PSMA1: variants seen among roughly 807,000 people sequenced by gnomAD.
The protein encoded by PSMA1 is proteasome 20S subunit alpha 1.
In PSMA1, 3 loss-of-function variants were observed where a neutral mutation model predicts 38.4. The ratio of observed to expected loss-of-function variants is 0.08; its 90% confidence interval spans 0.04 to 0.20. The LOEUF is 0.20. Ranked by LOEUF, PSMA1 falls within the 10% of genes least tolerant of loss-of-function variation. The pLI is 1.00. For synonymous variants in PSMA1, 101 were observed against 107.1 expected, an observed-to-expected ratio of 0.94 and a Z score of 0.35; for missense variants, 227 against 325.3, an observed-to-expected ratio of 0.70 and a Z score of 2.32.
At chr11:14,520,095 G>T in intron 1 of PSMA1, 2 of 764,176 alleles carry the variant, frequency 2.6e-6, no homozygotes, top group Non-Finnish European at 4.3e-6. Flanking sequence ...AGCGAAAGCG[G>T]TGGAAAGGCC....
chr11:14,524,914 A>T (rs187752521), upstream of PSMA1, among the ~76,000 whole-genome samples: 71 of 152,216 alleles, frequency 4.7e-4, 1 homozygote, highest in Admixed American at 3.1e-3. Flanking sequence ...CAAGGCTCTG[A>T]CTGACTCCTT....
chr11:14,592,035 A>G (rs1852422158), intron 2 of PSMA1, among the ~76,000 whole-genome samples: 1 of 151,286 alleles, frequency 6.6e-6, no homozygotes, highest in South Asian at 2.1e-4. Flanking sequence ...AGGAAGGAAC[A>G]ACTCCAGACA....
intron 2 of PSMA1, among the ~76,000 whole-genome samples, chr11:14,526,547 T>A (rs2134156894): frequency 6.6e-6 from 1 of 152,288 alleles, no homozygotes; most frequent in South Asian, 2.1e-4. Context: ...ACTCACTCTC[T>A]ACAGCTCTCA....
chr11:14,535,605 G>C (rs931327877), intron 2 of PSMA1, among the ~76,000 whole-genome samples: 1 of 151,682 alleles, frequency 6.6e-6, no homozygotes, highest in African/African-American at 2.4e-5. Context: ...CACCACACCC[G>C]GCTAATTTTT....
At chr11:14,635,991 TTTAAAC>T (rs1367237954) in intron 1 of PSMA1, among the ~76,000 whole-genome samples, 10 of 152,226 alleles carry the variant, frequency 6.6e-5, no homozygotes, top group Non-Finnish European at 1.0e-4. Context: ...AATCCATTAT[TTTAAAC>T]TTATTTTTTT....
At chr11:14,531,989 A>G (rs1216257991) in intron 2 of PSMA1, among the ~76,000 whole-genome samples, 2 of 152,186 alleles carry the variant, frequency 1.3e-5, no homozygotes, top group African/African-American at 4.8e-5. Flanking sequence ...TCCCCTGCCC[A>G]CATTCTGATT....
chr11:14,562,750 G>A (rs1327530701), intron 2 of PSMA1, among the ~76,000 whole-genome samples: 2 of 151,568 alleles, frequency 1.3e-5, no homozygotes, highest in African/African-American at 2.4e-5. Context: ...CCAGCCTCCC[G>A]AGTAGCCCGG....
At chr11:14,596,527 ATG>A (rs1292080416) in intron 2 of PSMA1, among the ~76,000 whole-genome samples, 3 of 152,236 alleles carry the variant, frequency 2.0e-5, no homozygotes, top group Non-Finnish European at 2.9e-5. Context: ...GAGTTCACTC[ATG>A]ATTTGGCTCT....
intron 1 of PSMA1, among the ~76,000 whole-genome samples, chr11:14,618,912 C>T (rs929517303): frequency 6.6e-6 from 1 of 152,176 alleles, no homozygotes; most frequent in African/African-American, 2.4e-5. Context: ...TGATCTTATA[C>T]AGGCATATCT....
intron 2 of PSMA1, among the ~76,000 whole-genome samples, chr11:14,588,122 G>C (rs1852370450): frequency 6.6e-6 from 1 of 152,178 alleles, no homozygotes; most frequent in Non-Finnish European, 1.5e-5. Flanking sequence ...ACCAAACTGA[G>C]GTACAAGTGA....
intron 2 of PSMA1, among the ~76,000 whole-genome samples, chr11:14,596,695 T>G (rs9734478): frequency 0.12 from 17,475 of 148,368 alleles, 1,224 homozygotes; most frequent in African/African-American, 0.2. Flanking sequence ...TGCAAACAGG[T>G]ACAATTTGAC....
At chr11:14,622,113 C>T (rs1383182622) in intron 1 of PSMA1, among the ~76,000 whole-genome samples, 1 of 152,192 alleles carries the variant, frequency 6.6e-6, no homozygotes, top group Non-Finnish European at 1.5e-5. Context: ...GGTACCTATG[C>T]AGACTTTCAG....
chr11:14,634,711 C>G (rs1036996894), intron 1 of PSMA1, among the ~76,000 whole-genome samples: 3 of 152,052 alleles, frequency 2.0e-5, no homozygotes, highest in African/African-American at 4.8e-5. Flanking sequence ...TGGTAGTATA[C>G]AAGAAAATTT....
At chr11:14,548,627 G>A (rs373478470) in intron 2 of PSMA1, among the ~76,000 whole-genome samples, 21 of 152,176 alleles carry the variant, frequency 1.4e-4, no homozygotes, top group African/African-American at 4.8e-4. Flanking sequence ...ATGAGCAAAG[G>A]CAATAGATCA....
intron 2 of PSMA1, among the ~76,000 whole-genome samples, chr11:14,530,093 A>T (rs2134158691): frequency 6.6e-6 from 1 of 152,292 alleles, no homozygotes; most frequent in Non-Finnish European, 1.5e-5. Flanking sequence ...GAATGAATGA[A>T]TTCCTCAGAT....
At chr11:14,611,659 A>G (rs1017603118) in intron 1 of PSMA1, among the ~76,000 whole-genome samples, 1 of 152,086 alleles carries the variant, frequency 6.6e-6, no homozygotes. Context: ...TCAGGTGTGC[A>G]TTTTTTTGTT....
chr11:14,634,168 G>A (rs1853080913), intron 1 of PSMA1, among the ~76,000 whole-genome samples: 1 of 152,024 alleles, frequency 6.6e-6, no homozygotes, highest in African/African-American at 2.4e-5. Flanking sequence ...TCCTCTGATG[G>A]AATAGTTTCA....
At chr11:14,591,738 A>G (rs1216747541) in intron 2 of PSMA1, among the ~76,000 whole-genome samples, 1 of 152,028 alleles carries the variant, frequency 6.6e-6, no homozygotes. Flanking sequence ...TAGCTCAGGG[A>G]TTGTAAAGGC....
intron 2 of PSMA1, among the ~76,000 whole-genome samples, chr11:14,591,935 T>C (rs1485127002): frequency 6.6e-6 from 1 of 152,112 alleles, no homozygotes; most frequent in Non-Finnish European, 1.5e-5. Context: ...GCTCACTCTT[T>C]AGGTCCACGC....
Sources: gnomAD v4.1 joint callset for allele counts (sites outside exome capture counted in the v4.1 genomes callset) on GRCh38, gnomAD v4.1.1 for gene constraint, MANE v1.5 for transcripts, NCBI Gene and HGNC (gene_info 2026-07-23, HGNC 2026-07-21) for gene names.